OR51C1: variants seen among roughly 807,000 people sequenced by gnomAD.
OR51C1 encodes olfactory receptor OR51C1.
the OR51C1 span, among the ~76,000 whole-genome samples, chr11:4,694,696 C>A: frequency 6.6e-6 from 1 of 151,728 alleles, no homozygotes; most frequent in Non-Finnish European, 1.5e-5. Flanking sequence ...TGCCAGACAG[C>A]GTCTATCAGC....
the OR51C1 span, among the ~76,000 whole-genome samples, chr11:4,695,306 GT>G: frequency 6.6e-6 from 1 of 152,024 alleles, no homozygotes; most frequent in Non-Finnish European, 1.5e-5. Flanking sequence ...TTAGTATCTT[GT>G]TTAGTGCCAT....
the OR51C1 span, among the ~76,000 whole-genome samples, chr11:4,694,136 A>G: frequency 6.6e-6 from 1 of 152,076 alleles, no homozygotes; most frequent in Non-Finnish European, 1.5e-5. Context: ...CTTTCATCCT[A>G]ACTTCTTCAT....
the OR51C1 span, among the ~76,000 whole-genome samples, chr11:4,696,510 G>T: frequency 6.6e-6 from 1 of 152,132 alleles, no homozygotes; most frequent in East Asian, 1.9e-4. Context: ...GTTAGTAGTG[G>T]GTATTTGCAG....
At chr11:4,695,530 A>G in the OR51C1 span, among the ~76,000 whole-genome samples, 1 of 152,176 alleles carries the variant, frequency 6.6e-6, no homozygotes, top group African/African-American at 2.4e-5. Context: ...TATAAGGATA[A>G]AAATTCCTTT....
the OR51C1 span, chr11:4,692,093 T>C: frequency 4.6e-6 from 2 of 430,468 alleles, no homozygotes; most frequent in Non-Finnish European, 9.2e-6. Context: ...GGTAGTGCAT[T>C]ATTTTTCCTC....
the OR51C1 span, chr11:4,692,179 GAGA>G: frequency 2.2e-6 from 1 of 452,934 alleles, no homozygotes; most frequent in Admixed American, 2.4e-5. Context: ...GTGGAAAGCA[GAGA>G]AGCTTACAGA....
At chr11:4,692,805 C>A in the OR51C1 span, among the ~76,000 whole-genome samples, 1 of 150,016 alleles carries the variant, frequency 6.7e-6, no homozygotes, top group African/African-American at 2.5e-5. Flanking sequence ...CTCACACATT[C>A]ACCCTGATAA....
chr11:4,691,220 C>T, the OR51C1 span: 2 of 456,728 alleles, frequency 4.4e-6, no homozygotes, highest in Non-Finnish European at 8.8e-6. Context: ...GAAGTGCTAC[C>T]ATTGGTGTCA....
At chr11:4,693,544 A>C in the OR51C1 span, among the ~76,000 whole-genome samples, 3 of 152,094 alleles carry the variant, frequency 2.0e-5, no homozygotes, top group Non-Finnish European at 4.4e-5. Flanking sequence ...ACATGGTGAA[A>C]CCTCGTCTCT....
chr11:4,696,540 T>G, the OR51C1 span, among the ~76,000 whole-genome samples: 6 of 152,166 alleles, frequency 3.9e-5, no homozygotes, highest in African/African-American at 1.4e-4. Context: ...CATTGCATTT[T>G]TCTTACATTG....
At chr11:4,697,838 T>G in the OR51C1 span, 1 of 152,344 alleles carries the variant, frequency 6.6e-6, no homozygotes, top group African/African-American at 2.4e-5. Flanking sequence ...CTTCAGGGTG[T>G]GGAGATTCCC....
chr11:4,697,687 G>A, the OR51C1 span: 22 of 152,578 alleles, frequency 1.4e-4, no homozygotes, highest in African/African-American at 4.8e-4. Flanking sequence ...GTTCCTTTCA[G>A]GCTGACTCAG....
the OR51C1 span, chr11:4,690,903 C>T: frequency 4.4e-6 from 2 of 456,316 alleles, no homozygotes; most frequent in Non-Finnish European, 8.8e-6. Flanking sequence ...GGCTTGTTTC[C>T]CAAATCTGTG....
At chr11:4,694,599 CAT>C in the OR51C1 span, among the ~76,000 whole-genome samples, 8 of 149,348 alleles carry the variant, frequency 5.4e-5, no homozygotes, top group East Asian at 2.0e-4. Flanking sequence ...CACACACACA[CAT>C]ATGCAGGGAG....
the OR51C1 span, chr11:4,691,686 T>G: frequency 1.9e-5 from 7 of 372,774 alleles, no homozygotes; most frequent in Non-Finnish European, 3.7e-5. Context: ...GGAGGTGATA[T>G]TCTGCAAAGT....
the OR51C1 span, among the ~76,000 whole-genome samples, chr11:4,696,534 G>T: frequency 6.6e-6 from 1 of 152,182 alleles, no homozygotes; most frequent in African/African-American, 2.4e-5. Flanking sequence ...TTATTTCATT[G>T]CATTTTTCTT....
At chr11:4,690,548 C>T in the OR51C1 span, 16 of 225,308 alleles carry the variant, frequency 7.1e-5, no homozygotes, top group Non-Finnish European at 1.2e-4. Flanking sequence ...GGCTGTTCAT[C>T]TCTTCCATCC....
the OR51C1 span, among the ~76,000 whole-genome samples, chr11:4,694,321 C>T: frequency 2.0e-5 from 3 of 151,852 alleles, no homozygotes; most frequent in Non-Finnish European, 2.9e-5. Flanking sequence ...TCTCTCCTTT[C>T]CATCACTTTA....
chr11:4,692,446 T>G, the OR51C1 span, among the ~76,000 whole-genome samples: 1 of 152,382 alleles, frequency 6.6e-6, no homozygotes, highest in African/African-American at 2.4e-5. Context: ...GCTGGAAGAC[T>G]AGTTCTCCAG....
Sources: allele counts gnomAD v4.1 joint callset (sites outside exome capture counted in the v4.1 genomes callset), GRCh38; gene constraint gnomAD v4.1.1; transcripts MANE v1.5; gene names NCBI Gene and HGNC (gene_info 2026-07-23, HGNC 2026-07-21).